CACNA1E: variants seen among roughly 807,000 people sequenced by gnomAD.
CACNA1E encodes the protein voltage-dependent R-type calcium channel subunit alpha-1E.
CACNA1E carries 40 observed loss-of-function variants against 259.2 expected under a neutral mutation model. The ratio of observed to expected loss-of-function variants is 0.15; its 90% CI spans 0.12 to 0.20. The LOEUF is 0.20. Ranked by LOEUF, CACNA1E falls within the 10% of genes least tolerant of loss-of-function variation. The pLI is 1.00. For synonymous variants in CACNA1E, 1,104 were observed against 1,138.5 expected (o/e 0.97, Z 0.61); for missense variants, 1,874 against 3,040.1 (o/e 0.62, Z 9.02).
At chr1:181,600,539 G>A (rs1201992246) in intron 6 of CACNA1E, among the ~76,000 whole-genome samples, 1 of 152,150 alleles carries the variant, frequency 6.6e-6, no homozygotes, top group African/African-American at 2.4e-5. Context: ...TTTTGAAGGT[G>A]GAGCTGGCAG....
intron 1 of CACNA1E, among the ~76,000 whole-genome samples, chr1:181,370,193 G>A (rs1057068153): frequency 2.0e-5 from 3 of 151,244 alleles, no homozygotes; most frequent in African/African-American, 7.3e-5. Flanking sequence ...CTGTGTTAGT[G>A]TTGCCTTCCT....
chr1:181,559,039 C>T (rs922092739), intron 3 of CACNA1E, among the ~76,000 whole-genome samples: 13 of 152,128 alleles, frequency 8.5e-5, no homozygotes, highest in East Asian at 1.9e-4. Context: ...GAAGGACTAG[C>T]GAAGCCCTTG....
intron 5 of CACNA1E, 39 bp from the exon 6 acceptor site, chr1:181,580,556 C>A (rs752735933): frequency 6.3e-7 from 1 of 1,590,312 alleles, no homozygotes; most frequent in Admixed American, 1.7e-5. Flanking sequence ...ATGCGAAACA[C>A]CATGTGATTT....
At chr1:181,624,357 A>T (rs1656000780) in intron 6 of CACNA1E, among the ~76,000 whole-genome samples, 2 of 152,230 alleles carry the variant, frequency 1.3e-5, no homozygotes, top group Non-Finnish European at 2.9e-5. Flanking sequence ...CTTTCGTGAA[A>T]GATTTCTCTA....
intron 35 of CACNA1E, 90 bp from the exon 36 acceptor site, chr1:181,771,203 G>A: frequency 2.9e-6 from 2 of 690,822 alleles, no homozygotes; most frequent in East Asian, 5.5e-5. Context: ...ATCGGGAAGA[G>A]CCATGCAAGT....
At position 181,742,479 on chromosome 1, in the gene CACNA1E, C is replaced by T. The variant is rs74127841; in HGVS notation, c.3719+3226C>T. Among the ~76,000 whole-genome samples, 774 of 152,280 alleles carry T rather than the reference C, an allele frequency of 5.1e-3. 8 individuals are homozygous for T. Among genetic ancestry groups the T allele is most frequent in the African/African-American group, 0.018 (742 of 41,552 alleles). ...TATTCCTGTCCCAGTCTCTTTCTGC[C>T]CTTCTTGAAATTGAACCATGACTTA... is the stretch of plus-strand genomic sequence containing the variant. On this transcript the variant is annotated intron_variant, in intron 25 of 47. Coordinates refer to ENST00000367573, the MANE Select transcript of CACNA1E (RefSeq NM_001205293.3).
At chr1:181,493,193 T>C (rs991717481) in intron 1 of CACNA1E, among the ~76,000 whole-genome samples, 9 of 152,254 alleles carry the variant, frequency 5.9e-5, no homozygotes, top group African/African-American at 2.2e-4. Context: ...TAAAAACATC[T>C]ATCATGTTAA....
At chr1:181,718,575 A>C (rs746720529) in intron 12 of CACNA1E, among the ~76,000 whole-genome samples, 3 of 149,738 alleles carry the variant, frequency 2.0e-5, no homozygotes, top group Middle Eastern at 3.2e-3. Flanking sequence ...ACTTCAGTTT[A>C]AAATTGGGAT....
At chr1:181,410,206 G>A (rs1398540726) in intron 1 of CACNA1E, among the ~76,000 whole-genome samples, 9 of 152,198 alleles carry the variant, frequency 5.9e-5, no homozygotes, top group Admixed American at 5.9e-4. Flanking sequence ...AATCCCTCAA[G>A]GGGAGTTGAG....
chr1:181,319,104 A>G (rs907454934), intron 1 of CACNA1E, among the ~76,000 whole-genome samples: 1 of 152,220 alleles, frequency 6.6e-6, no homozygotes, highest in South Asian at 2.1e-4. Context: ...CTGGCTGCTC[A>G]GAGCAGATGA....
intron 6 of CACNA1E, among the ~76,000 whole-genome samples, chr1:181,581,665 C>A (rs2102984494): frequency 6.6e-6 from 1 of 152,284 alleles, no homozygotes; most frequent in Non-Finnish European, 1.5e-5. Context: ...TTGGTGCAGA[C>A]TCTATGCTCA....
chr1:181,760,703 T>C (rs189424810), intron 32 of CACNA1E, among the ~76,000 whole-genome samples: 2 of 152,342 alleles, frequency 1.3e-5, no homozygotes, highest in Non-Finnish European at 2.9e-5. Context: ...GAGCTGGAGC[T>C]CAGAAAGGTT....
intron 7 of CACNA1E, among the ~76,000 whole-genome samples, chr1:181,698,611 T>A (rs978189565): frequency 6.6e-6 from 1 of 152,148 alleles, no homozygotes; most frequent in Non-Finnish European, 1.5e-5. Flanking sequence ...TCATTGTATA[T>A]GTATTGTACG....
Position 181,717,230 on chromosome 1 carries a change from C to T in CACNA1E, c.1453C>T (p.Leu485Phe). 2.5e-6 allele frequency: 4 copies of T among 1,613,944 alleles called. No individual in the cohort carries two copies. The highest frequency in any genetic ancestry group is 3.4e-6 in the Non-Finnish European group (4 of 1,179,848). ...SQVFYWIVLS[L>F]VALNTACVAI... The stretch of plus-strand genomic sequence containing the variant: ...GGTGTTTTACTGGATTGTGCTGAGC[C>T]TTGTGGCACTCAACACTGCCTGTGT... The change falls in exon 11 of 48, where the codon CTT (leucine) becomes TTT (phenylalanine). Residue 485 changes from leucine (L) to phenylalanine (F), a missense_variant. Coordinates refer to ENST00000367573, the MANE Select transcript of CACNA1E (RefSeq NM_001205293.3).
intron 3 of CACNA1E, among the ~76,000 whole-genome samples, chr1:181,572,958 T>C (rs1382282439): frequency 6.6e-6 from 1 of 152,092 alleles, no homozygotes; most frequent in Non-Finnish European, 1.5e-5. Flanking sequence ...AATCTTGATA[T>C]TTTTTAGCAA....
chr1:181,423,662 ATT>A lies in CACNA1E; in HGVS notation c.434+10097_434+10098del, dbSNP rs11302089. Among the ~76,000 whole-genome samples, 507 of 130,950 alleles carry A rather than the reference ATT, an allele frequency of 3.9e-3. 9 individuals carry two copies. Among genetic ancestry groups the A allele is most frequent in the East Asian group, 0.016 (76 of 4,734 alleles). The allele number at this position is 130,950 out of a possible 152,430, so 85.9% of individuals were successfully genotyped here. ...GGTGAATTTAAGGGCCATTGGGCCA[ATT>A]TTTTTTTTTTTTTTGCTGGCCTTTT... On this transcript the variant is annotated intron_variant, in intron 2 of 11. Coordinates refer to the CACNA1E transcript ENST00000524607.
chr1:181,659,096 G>C (rs1185028757), intron 7 of CACNA1E, among the ~76,000 whole-genome samples: 1 of 152,114 alleles, frequency 6.6e-6, no homozygotes, highest in Non-Finnish European at 1.5e-5. Flanking sequence ...GCAGGCAGCT[G>C]AATGTTATGT....
In CACNA1E at chr1:181,804,817, ATTTT is replaced by A. The variant is rs202040898; in HGVS notation, c.*5988_*5991del. 3 of 151,508 alleles carry A rather than the reference ATTTT, an allele frequency of 2.0e-5. No individual in the cohort carries two copies. The highest frequency in any genetic ancestry group is 3.9e-4 in the East Asian group (2 of 5,156). 9.4% of individuals were successfully genotyped at this position (151,508 alleles called of 1,614,324 possible). On this transcript the variant is annotated 3_prime_UTR_variant, in exon 48 of 48. Coordinates refer to ENST00000367573, the MANE Select transcript of CACNA1E (RefSeq NM_001205293.3). The stretch of plus-strand genomic sequence containing the variant: ...TTCTCAGCATTGCTATAAGCATTTG[ATTTT>A]TTTTAAGGAAACTTCCTGTTTAATG...
At chr1:181,603,963 C>G (rs1653986237) in intron 6 of CACNA1E, among the ~76,000 whole-genome samples, 1 of 152,192 alleles carries the variant, frequency 6.6e-6, no homozygotes, top group African/African-American at 2.4e-5. Context: ...GAAAATGAGG[C>G]TTGGCGACTG....
Sources: allele counts gnomAD v4.1 joint callset (sites outside exome capture counted in the v4.1 genomes callset), GRCh38; gene constraint gnomAD v4.1.1; transcripts MANE v1.5; gene names NCBI Gene and HGNC (gene_info 2026-07-23, HGNC 2026-07-21).